The following NDUFA10 variants were observed in gnomAD, a reference collection of about 807,000 sequenced individuals.
The protein encoded by NDUFA10 is NADH dehydrogenase [ubiquinone] 1 alpha subcomplex subunit 10, mitochondrial.
Under a neutral mutation model 47.8 loss-of-function variants are expected in NDUFA10, and 40 were observed. The ratio of observed to expected loss-of-function variants is 0.84; its 90% CI spans 0.65 to 1.09. The LOEUF is 1.09. Among genes scored for constraint, NDUFA10 ranks in the 50% least tolerant of loss-of-function variants. The pLI is 0.00. For missense variants in NDUFA10, 413 were observed against 451.1 expected, an observed-to-expected ratio of 0.92 and a Z score of 0.76; for synonymous variants, 183 against 172.2, an observed-to-expected ratio of 1.06 and a Z score of -0.49.
intron 4 of NDUFA10, among the ~76,000 whole-genome samples, chr2:239,930,613 T>C (rs1694150725): frequency 6.6e-6 from 1 of 151,860 alleles, no homozygotes; most frequent in South Asian, 2.1e-4. Flanking sequence ...ACCCGGCCAA[T>C]CAGTGGTGAG....
chr2:239,922,099 TCCCTTC>T (rs1693999946), intron 4 of NDUFA10, among the ~76,000 whole-genome samples: 5 of 55,426 alleles, frequency 9.0e-5, no homozygotes, highest in African/African-American at 6.5e-4. Context: ...CCTTCCTTCC[TCCCTTC>T]CTCCCTTCCT....
At chr2:240,021,737 T>A (rs1697631816) in intron 2 of NDUFA10, among the ~76,000 whole-genome samples, 1 of 152,186 alleles carries the variant, frequency 6.6e-6, no homozygotes, top group African/African-American at 2.4e-5. Flanking sequence ...CAATGGACAC[T>A]CAGCTGCACC....
chr2:239,954,022 C>T (rs1694606807), downstream of NDUFA10, among the ~76,000 whole-genome samples: 1 of 152,096 alleles, frequency 6.6e-6, no homozygotes, highest in Non-Finnish European at 1.5e-5. Flanking sequence ...TGAGTGACCA[C>T]CCCAGGACTG....
chr2:239,946,953 G>C (rs1017882951), intron 4 of NDUFA10, among the ~76,000 whole-genome samples: 1 of 152,236 alleles, frequency 6.6e-6, no homozygotes, highest in Non-Finnish European at 1.5e-5. Flanking sequence ...CAGGGTTGGC[G>C]GAAGGAGGGA....
At chr2:239,948,611 G>A (rs1198764330) in intron 4 of NDUFA10, among the ~76,000 whole-genome samples, 2 of 152,226 alleles carry the variant, frequency 1.3e-5, no homozygotes, top group African/African-American at 4.8e-5. Flanking sequence ...ACAAATACAC[G>A]TCGGTGGGAC....
At chr2:239,993,418 A>G (rs1454551683) in intron 8 of NDUFA10, among the ~76,000 whole-genome samples, 1 of 152,220 alleles carries the variant, frequency 6.6e-6, no homozygotes, top group Admixed American at 6.5e-5. Flanking sequence ...ATTACGTCCA[A>G]GCTTTAAAGA....
In NDUFA10 at chr2:239,959,960, C is replaced by G; in HGVS notation, c.*1158G>C. The G allele has an allele frequency of 1.0e-6, 1 of 985,538 alleles. No homozygotes were observed. Among genetic ancestry groups the G allele is most frequent in the Non-Finnish European group, 1.2e-6 (1 of 829,960 alleles). 61.0% of individuals were successfully genotyped at this position (985,538 alleles called of 1,614,324 possible). ...CTTCCGCGGGGAGCAGAGCATCGTC[C>G]TCTGCACCAGCACTGGAACTACTGC... On this transcript the variant is annotated 3_prime_UTR_variant, in exon 10 of 10. Coordinates refer to ENST00000252711, the MANE Select transcript of NDUFA10 (RefSeq NM_004544.4).
intron 4 of NDUFA10, among the ~76,000 whole-genome samples, chr2:239,916,784 C>T (rs944244902): frequency 1.3e-5 from 2 of 152,200 alleles, no homozygotes; most frequent in East Asian, 1.9e-4. Context: ...GCCTCCTTCA[C>T]GAGAGCCTTG....
intron 4 of NDUFA10, 33 bp downstream of exon 4, chr2:240,018,520 A>C: frequency 6.2e-7 from 1 of 1,614,214 alleles, no homozygotes; most frequent in Non-Finnish European, 8.5e-7. Context: ...GTCGCACCAC[A>C]CACCCAGAAG....
downstream of NDUFA10, among the ~76,000 whole-genome samples, chr2:239,954,799 A>T (rs1336266202): frequency 8.3e-6 from 1 of 120,444 alleles, no homozygotes; most frequent in Non-Finnish European, 1.7e-5. Context: ...AATACCATCC[A>T]TGCTCCCCCA....
At chr2:239,970,675 C>T (rs568363977) in intron 9 of NDUFA10, among the ~76,000 whole-genome samples, 26 of 152,260 alleles carry the variant, frequency 1.7e-4, no homozygotes, top group Non-Finnish European at 2.6e-4. Context: ...CTGTGTGAGG[C>T]GGTTAAATGC....
At chr2:239,909,676 C>T (rs1483478311) in intron 4 of NDUFA10, among the ~76,000 whole-genome samples, 1 of 151,728 alleles carries the variant, frequency 6.6e-6, no homozygotes, top group Non-Finnish European at 1.5e-5. Flanking sequence ...TTATTCAGGA[C>T]ATAGGCATGG....
At chr2:239,897,085 G>C (rs13413778) in intron 4 of NDUFA10, among the ~76,000 whole-genome samples, 148,059 of 152,316 alleles carry the variant, frequency 0.97, 72,109 homozygotes, top group East Asian at 1. Context: ...AATTAGTAAG[G>C]AGTTAATGAA....
chr2:239,969,090 G>A (rs913469135), intron 9 of NDUFA10, among the ~76,000 whole-genome samples: 21 of 152,166 alleles, frequency 1.4e-4, no homozygotes, highest in South Asian at 8.3e-4. Context: ...AATTTGCAAC[G>A]TATGGCAAAG....
intron 4 of NDUFA10, among the ~76,000 whole-genome samples, chr2:239,907,290 TA>T (rs2106468779): frequency 6.6e-6 from 1 of 152,158 alleles, no homozygotes; most frequent in Admixed American, 6.5e-5. Flanking sequence ...ATGTTAGACC[TA>T]AAACCGAAGA....
intron 4 of NDUFA10, among the ~76,000 whole-genome samples, chr2:239,917,108 G>A (rs1395492883): frequency 2.0e-5 from 3 of 152,226 alleles, no homozygotes; most frequent in South Asian, 4.1e-4. Context: ...GGGGTCTCAG[G>A]TTAGGCCAGG....
intron 4 of NDUFA10, among the ~76,000 whole-genome samples, chr2:239,941,018 C>T (rs942754431): frequency 2.0e-5 from 3 of 152,180 alleles, no homozygotes; most frequent in African/African-American, 7.2e-5. Flanking sequence ...CACTGCAGGC[C>T]GTCTGGGTAC....
downstream of NDUFA10, among the ~76,000 whole-genome samples, chr2:239,953,483 G>A (rs962776051): frequency 1.3e-5 from 2 of 152,240 alleles, no homozygotes; most frequent in Non-Finnish European, 2.9e-5. Flanking sequence ...CTCAGCCCCA[G>A]GGAGGGGTGC....
At chr2:239,993,444 G>C (rs1696334801) in intron 8 of NDUFA10, among the ~76,000 whole-genome samples, 1 of 152,196 alleles carries the variant, frequency 6.6e-6, no homozygotes, top group African/African-American at 2.4e-5. Context: ...AGGATTTCTA[G>C]GTAACTACTG....
Sources: gnomAD v4.1 joint callset for allele counts (sites outside exome capture counted in the v4.1 genomes callset) on GRCh38, gnomAD v4.1.1 for gene constraint, MANE v1.5 for transcripts, NCBI Gene and HGNC (gene_info 2026-07-23, HGNC 2026-07-21) for gene names.